Variants in TTLL11 observed in about 807,000 individuals in gnomAD.
The protein encoded by TTLL11 is tubulin tyrosine ligase like 11.
In TTLL11, 42 loss-of-function variants were observed where a neutral mutation model predicts 51.7. The ratio of observed to expected loss-of-function variants is 0.81; its 90% CI spans 0.64 to 1.05. TTLL11 has a LOEUF of 1.05. TTLL11 is among the 50% of genes least tolerant of loss of function. The pLI, the probability that TTLL11 is intolerant of heterozygous loss-of-function variation, is 0.00. For missense variants in TTLL11, 799 were observed against 940.4 expected (o/e 0.85, Z 1.97); for synonymous variants, 381 against 383.5 (o/e 0.99, Z 0.08).
chr9:122,059,546 G>T (rs1845385061), intron 1 of TTLL11, among the ~76,000 whole-genome samples: 1 of 152,162 alleles, frequency 6.6e-6, no homozygotes, highest in African/African-American at 2.4e-5. Context: ...CCCTAGAGAA[G>T]CTTGAAGTTT....
chr9:122,071,009 C>T (rs1020917470), intron 1 of TTLL11, among the ~76,000 whole-genome samples: 3 of 152,134 alleles, frequency 2.0e-5, no homozygotes, highest in African/African-American at 7.2e-5. Flanking sequence ...CTCTAACTGG[C>T]CAGTGTCTCG....
chr9:122,085,982 T>A (rs1846113073), intron 1 of TTLL11, among the ~76,000 whole-genome samples: 1 of 152,230 alleles, frequency 6.6e-6, no homozygotes, highest in Admixed American at 6.5e-5. Context: ...CGATTACTTT[T>A]ACAATACGTT....
At chr9:121,927,017 C>T (rs1840761818) in intron 6 of TTLL11, among the ~76,000 whole-genome samples, 1 of 152,130 alleles carries the variant, frequency 6.6e-6, no homozygotes, top group Admixed American at 6.5e-5. Flanking sequence ...GGCATGAATC[C>T]CATTCATGAG....
intron 6 of TTLL11, among the ~76,000 whole-genome samples, chr9:121,943,832 G>GGTT (rs1285813594): frequency 2.6e-5 from 4 of 152,196 alleles, no homozygotes; most frequent in Admixed American, 2.6e-4. Flanking sequence ...AGACCATGTA[G>GGTT]GTTAGCCTTA....
intron 3 of TTLL11, among the ~76,000 whole-genome samples, chr9:122,007,644 T>C (rs1044395435): frequency 6.6e-6 from 1 of 152,022 alleles, no homozygotes; most frequent in Non-Finnish European, 1.5e-5. Context: ...CACACATACA[T>C]AGATAGTTAA....
chr9:121,930,065 A>G (rs1840906789), intron 6 of TTLL11, among the ~76,000 whole-genome samples: 1 of 152,252 alleles, frequency 6.6e-6, no homozygotes, highest in African/African-American at 2.4e-5. Flanking sequence ...TGCATTCCCC[A>G]AAGACTCTCC....
chr9:122,090,637 A>C (rs533822712), intron 1 of TTLL11, among the ~76,000 whole-genome samples: 77 of 152,292 alleles, frequency 5.1e-4, no homozygotes, highest in Middle Eastern at 3.4e-3. Context: ...CTCATCACAT[A>C]ATGTATTCAT....
intron 8 of TTLL11, among the ~76,000 whole-genome samples, chr9:121,854,815 G>A (rs1837764727): frequency 1.3e-5 from 2 of 152,132 alleles, no homozygotes; most frequent in Non-Finnish European, 2.9e-5. Context: ...TTGAATTCTG[G>A]GCAATGAGAG....
Position 121,989,698 on chromosome 9 carries a change from C to T in TTLL11, c.766G>A (p.Gly256Ser). Residue 256 changes from glycine to serine, a missense_variant, in exon 4 of 9, where the codon GGT becomes AGT. Physicochemically the swap from Gly to Ser is moderately conservative, Grantham distance 56. Coordinates refer to ENST00000321582, the MANE Select transcript of TTLL11 (RefSeq NM_001139442.2). This position sits in a 1 kb window ranked among gnomAD's most constrained non-coding sequence, Gnocchi z 4.2. ...FIVKPDGGCQ[G>S]DGIYLIKDPS... ...TCTTTAATGAGGTAGATTCCATCAC[C>T]CTGACAACCACCATCAGGTTTCACG... The T allele has an allele frequency of 2.5e-6, 4 of 1,613,660 alleles. No homozygotes were observed. The highest frequency in any genetic ancestry group is 1.1e-5 in the South Asian group (1 of 91,052).
intron 6 of TTLL11, among the ~76,000 whole-genome samples, chr9:121,912,336 C>T (rs1325791384): frequency 2.0e-5 from 3 of 152,254 alleles, no homozygotes; most frequent in Non-Finnish European, 2.9e-5. Flanking sequence ...CCCGGGTCCC[C>T]GAGGATGCAC....
chr9:121,989,078 C>A lies in TTLL11; in HGVS notation c.1269+117G>T. On this transcript the variant is annotated intron_variant, in intron 4 of 8. Transcript: ENST00000321582. This position sits in a 1 kb window ranked among gnomAD's most constrained non-coding sequence, Gnocchi z 4.2. Reference sequence around the variant, plus strand: ...TTAACACCCAAGCCCACAGCACCACCAACACTGTCCCCTCCTCTGGCCATC... The same window carrying A: ...TTAACACCCAAGCCCACAGCACCACAAACACTGTCCCCTCCTCTGGCCATC... 6.6e-7 allele frequency: 1 copy of A among 1,525,552 alleles called. No individual in the cohort carries two copies. The highest frequency in any genetic ancestry group is 8.8e-7 in the Non-Finnish European group (1 of 1,136,736). 94.5% of individuals were successfully genotyped at this position (1,525,552 alleles called of 1,614,324 possible). A position where few individuals can be genotyped will look rare whatever the true frequency, so the allele number is the denominator to read the frequency against.
chr9:121,832,287 C>A (rs951657894), intron 8 of TTLL11, among the ~76,000 whole-genome samples: 1 of 152,090 alleles, frequency 6.6e-6, no homozygotes, highest in Non-Finnish European at 1.5e-5. Flanking sequence ...TTTACCTGAG[C>A]CATTTAGAAA....
At chr9:121,878,275 T>C (rs148562110) in intron 6 of TTLL11, among the ~76,000 whole-genome samples, 24 of 152,240 alleles carry the variant, frequency 1.6e-4, no homozygotes, top group African/African-American at 5.1e-4. Flanking sequence ...AGCATCAAGA[T>C]GAATCTGCTT....
chr9:122,079,523 G>C (rs974093204), intron 1 of TTLL11, among the ~76,000 whole-genome samples: 3 of 151,864 alleles, frequency 2.0e-5, no homozygotes, highest in Admixed American at 1.3e-4. Flanking sequence ...CATTCTGGCT[G>C]ACATGGTGAA....
intron 3 of TTLL11, among the ~76,000 whole-genome samples, chr9:122,007,803 G>C (rs1843697558): frequency 6.6e-6 from 1 of 152,132 alleles, no homozygotes; most frequent in African/African-American, 2.4e-5. Flanking sequence ...TGGAGGCGGG[G>C]GAAAGTCTGA....
chr9:121,978,624 G>C (rs1244855235), intron 4 of TTLL11, among the ~76,000 whole-genome samples: 1 of 152,154 alleles, frequency 6.6e-6, no homozygotes, highest in Non-Finnish European at 1.5e-5. Context: ...GCCTCCCCAA[G>C]TAATTAAATC....
At chr9:121,896,572 C>T (rs933135623) in intron 6 of TTLL11, among the ~76,000 whole-genome samples, 2 of 152,206 alleles carry the variant, frequency 1.3e-5, no homozygotes, top group African/African-American at 4.8e-5. Flanking sequence ...CACACTTCTC[C>T]CGGGTCGGGA....
At chr9:121,882,628 C>T (rs1838842387) in intron 6 of TTLL11, among the ~76,000 whole-genome samples, 1 of 152,118 alleles carries the variant, frequency 6.6e-6, no homozygotes, top group Non-Finnish European at 1.5e-5. Flanking sequence ...CTGCTCCCTG[C>T]CCACAGTCTT....
intron 6 of TTLL11, among the ~76,000 whole-genome samples, chr9:121,920,064 G>A (rs1588125275): frequency 1.3e-5 from 2 of 152,196 alleles, no homozygotes; most frequent in Admixed American, 1.3e-4. Context: ...CACTTTGGGA[G>A]ACTGAGGTGG....
Sources: allele counts gnomAD v4.1 joint callset (sites outside exome capture counted in the v4.1 genomes callset), GRCh38; gene constraint gnomAD v4.1.1; non-coding constraint Gnocchi (gnomAD v3.1); transcripts MANE v1.5; gene names NCBI Gene and HGNC (gene_info 2026-07-23, HGNC 2026-07-21).